C6orf163: variants seen among roughly 807,000 people sequenced by gnomAD.
The protein encoded by C6orf163 is uncharacterized protein C6orf163.
Under a neutral mutation model 28.4 loss-of-function variants are expected in C6orf163, and 22 were observed. That is an observed-to-expected ratio of 0.78 (90% CI 0.55 to 1.11). The LOEUF (loss-of-function observed/expected upper bound fraction) is 1.11. Ranked by LOEUF, C6orf163 falls within the 50% of genes least tolerant of loss-of-function variation. The pLI is 0.00. For synonymous variants in C6orf163, 110 were observed against 123.6 expected (o/e 0.89, Z 0.73); for missense variants, 342 against 389.1 (o/e 0.88, Z 1.02).
chr6:87,364,744 C>G (rs1475200541), intron 4 of C6orf163, among the ~76,000 whole-genome samples: 2 of 152,180 alleles, frequency 1.3e-5, no homozygotes, highest in Non-Finnish European at 2.9e-5. Context: ...TGGCCTCACC[C>G]TAGCCCACAG....
chr6:87,347,793 C>T, intron 1 of C6orf163: 1 of 985,556 alleles, frequency 1.0e-6, no homozygotes, highest in Non-Finnish European at 1.2e-6. Flanking sequence ...GCTAGACTTA[C>T]TCCGGCAGCT....
rs569183975 is a variant in C6orf163, at chr6:87,345,757, A to G, written c.148+510A>G. Among the ~76,000 whole-genome samples the G allele has an allele frequency of 2.8e-3, 420 of 152,098 alleles. 3 individuals carry two copies. The highest frequency in any genetic ancestry group is 9.8e-3 in the African/African-American group (405 of 41,496). On this transcript the variant is annotated intron_variant, in intron 1 of 4. Transcript: ENST00000388923. ...GCCAACATGGCGAAACCCCGTCTCTACTAAAAAAATTTAAGCAGGCATGGT... is the reference window on the plus strand; with the variant it reads ...GCCAACATGGCGAAACCCCGTCTCTGCTAAAAAAATTTAAGCAGGCATGGT...
At chr6:87,364,495 G>A (rs934782752) in intron 4 of C6orf163, among the ~76,000 whole-genome samples, 1 of 152,060 alleles carries the variant, frequency 6.6e-6, no homozygotes, top group African/African-American at 2.4e-5. Flanking sequence ...AAAAGCTTGA[G>A]GTGACTGTCA....
intron 4 of C6orf163, chr6:87,356,846 A>G (rs1463993530): frequency 4.8e-6 from 1 of 208,412 alleles, no homozygotes; most frequent in Non-Finnish European, 9.8e-6. Flanking sequence ...ATTCTGTATC[A>G]CCAGTTTTAA....
intron 3 of C6orf163, among the ~76,000 whole-genome samples, chr6:87,354,221 G>A (rs987422381): frequency 6.6e-6 from 1 of 152,166 alleles, no homozygotes; most frequent in African/African-American, 2.4e-5. Context: ...TAACAAAAAG[G>A]GGCTCACTGA....
Position 87,356,856 on chromosome 6 carries a change from A to G in C6orf163, c.554+353A>G, listed in dbSNP as rs114454562. 4.7e-3 allele frequency: 948 copies of G among 202,628 alleles called. 7 individuals carry two copies. Among genetic ancestry groups the G allele is most frequent in the African/African-American group, 0.019 (818 of 43,438 alleles). 12.6% of individuals were successfully genotyped at this position (202,628 alleles called of 1,614,324 possible). Reference sequence around the variant, plus strand: ...TTTTCATTCTGTATCACCAGTTTTAAGAAGCCAAGGACAGGAATCAAGAAA... The same window carrying G: ...TTTTCATTCTGTATCACCAGTTTTAGGAAGCCAAGGACAGGAATCAAGAAA... On this transcript the variant is annotated intron_variant, in intron 4 of 4. Transcript: ENST00000388923.
intron 3 of C6orf163, 193 bp from the exon 4 acceptor site, chr6:87,356,108 T>C (rs1157626139): frequency 5.3e-6 from 3 of 568,794 alleles, no homozygotes; most frequent in Admixed American, 3.1e-5. Flanking sequence ...CTACATAGTT[T>C]GTACATTTTT....
intron 1 of C6orf163, among the ~76,000 whole-genome samples, chr6:87,345,916 CA>C (rs3044136): frequency 4.7e-3 from 209 of 44,634 alleles, no homozygotes; most frequent in South Asian, 9.3e-3. Flanking sequence ...GACTCTGCCT[CA>C]AAAAAAAAAA....
At position 87,365,285 on chromosome 6, in the gene C6orf163, C is replaced by A; in HGVS notation, c.879C>A (p.Ile293=). The A allele has an allele frequency of 6.4e-7, 1 of 1,551,542 alleles. No individual in the cohort carries two copies. The highest frequency in any genetic ancestry group is 8.7e-7 in the Non-Finnish European group (1 of 1,146,856). ...QETRMAFQKY[I]NYTFPKLSPG... ...CCAGGATGGCATTTCAAAAATACATCAATTATACCTTTCCTAAGCTTTCAC... is the reference window on the plus strand; with the variant it reads ...CCAGGATGGCATTTCAAAAATACATAAATTATACCTTTCCTAAGCTTTCAC... The change falls in exon 5 of 5, where the codon ATC becomes ATA. Residue 293 remains isoleucine, a synonymous_variant. Coordinates refer to ENST00000388923, the MANE Select transcript of C6orf163 (RefSeq NM_001010868.3).
chr6:87,359,993 G>C (rs768481479), intron 4 of C6orf163, among the ~76,000 whole-genome samples: 1 of 152,110 alleles, frequency 6.6e-6, no homozygotes, highest in Non-Finnish European at 1.5e-5. Flanking sequence ...GCCAGTCATC[G>C]GTGAGCCTCC....
chr6:87,350,611 A>G, intron 3 of C6orf163, 110 bp downstream of exon 3: 1 of 652,498 alleles, frequency 1.5e-6, no homozygotes, highest in Non-Finnish European at 2.6e-6. Flanking sequence ...CTGGTGTTTC[A>G]TGGCCATTAG....
intron 4 of C6orf163, among the ~76,000 whole-genome samples, chr6:87,364,239 C>G (rs1359876601): frequency 6.6e-6 from 1 of 151,838 alleles, no homozygotes; most frequent in Non-Finnish European, 1.5e-5. Flanking sequence ...AAGCCAGGGC[C>G]AGGCCATTGC....
intron 4 of C6orf163, among the ~76,000 whole-genome samples, chr6:87,361,588 G>A (rs1777581180): frequency 6.6e-6 from 1 of 152,134 alleles, no homozygotes; most frequent in South Asian, 2.1e-4. Flanking sequence ...CTTGGAGATT[G>A]GTCCCTGGTC....
At chr6:87,356,544 A>G in intron 4 of C6orf163, 41 bp downstream of exon 4, 1 of 1,529,608 alleles carries the variant, frequency 6.5e-7, no homozygotes, top group South Asian at 1.2e-5. Context: ...AACTTCCTTT[A>G]TCAAAATCAA....
intron 1 of C6orf163, among the ~76,000 whole-genome samples, chr6:87,347,018 A>G (rs1777335264): frequency 6.6e-6 from 1 of 152,196 alleles, no homozygotes; most frequent in Non-Finnish European, 1.5e-5. Context: ...ATAGAGTTTT[A>G]TGAAATTTAT....
chr6:87,361,218 G>C (rs1241081333), intron 4 of C6orf163, among the ~76,000 whole-genome samples: 3 of 152,118 alleles, frequency 2.0e-5, no homozygotes, highest in Non-Finnish European at 4.4e-5. Context: ...CCAGGAGGCA[G>C]AGTTTGCATG....
chr6:87,355,131 G>T (rs1298066750), intron 3 of C6orf163, among the ~76,000 whole-genome samples: 1 of 152,248 alleles, frequency 6.6e-6, no homozygotes, highest in Non-Finnish European at 1.5e-5. Context: ...AAAGACTCCA[G>T]CATCACAGCC....
At chr6:87,362,201 G>T (rs1777589651) in intron 4 of C6orf163, among the ~76,000 whole-genome samples, 1 of 152,132 alleles carries the variant, frequency 6.6e-6, no homozygotes, top group African/African-American at 2.4e-5. Context: ...AATAGGTCAG[G>T]CACGGTGGCT....
At position 87,348,898 on chromosome 6, in the gene C6orf163, T is replaced by C. The variant is rs1437515942; in HGVS notation, c.235T>C (p.Trp79Arg). 2 of 1,537,018 alleles carry C rather than the reference T, an allele frequency of 1.3e-6. No individual in the cohort carries two copies. Among genetic ancestry groups the C allele is most frequent in the Admixed American group, 2.0e-5 (1 of 50,878 alleles). The change falls in exon 2 of 5, where the codon TGG becomes CGG. Residue 79 changes from tryptophan (W) to arginine (R), a missense_variant. Trp to Arg is a moderately radical substitution (Grantham distance 101, BLOSUM62 -3). Transcript: ENST00000388923. The stretch of plus-strand genomic sequence containing the variant: ...CATTGCGAAAGCAGAAGCTGAAGTA[T>C]GGGCTCAGGTAAAAGAAGTTACATG... ...EHIAKAEAEVWAQANERQKQA... is the reference protein window; with the variant it reads ...EHIAKAEAEVRAQANERQKQA...
Sources: allele counts gnomAD v4.1 joint callset (sites outside exome capture counted in the v4.1 genomes callset), GRCh38; gene constraint gnomAD v4.1.1; transcripts MANE v1.5; gene names NCBI Gene and HGNC (gene_info 2026-07-23, HGNC 2026-07-21).